CDC123: variants seen among roughly 807,000 people sequenced by gnomAD.
CDC123 encodes cell division cycle 123, also known as translation initiation factor eIF2 assembly protein.
Under a neutral mutation model 54.4 loss-of-function variants are expected in CDC123, and 37 were observed. That is an observed-to-expected ratio of 0.68 (90% confidence interval 0.52 to 0.89). The LOEUF (loss-of-function observed/expected upper bound fraction) is 0.89. CDC123 is among the 40% of genes least tolerant of loss of function. CDC123 has a pLI of 0.00. For synonymous variants in CDC123, 144 were observed against 136.8 expected, an observed-to-expected ratio of 1.05 and a Z score of -0.37; for missense variants, 361 against 412.1, an observed-to-expected ratio of 0.88 and a Z score of 1.07.
intron 2 of CDC123, among the ~76,000 whole-genome samples, chr10:12,201,980 A>T (rs982374165): frequency 9.8e-5 from 15 of 152,320 alleles, no homozygotes; most frequent in African/African-American, 3.4e-4. Context: ...AACTAGATGA[A>T]TGAAGATGGT....
chr10:12,207,299 T>C (rs1835536099), intron 2 of CDC123, among the ~76,000 whole-genome samples: 1 of 152,220 alleles, frequency 6.6e-6, no homozygotes, highest in African/African-American at 2.4e-5. Flanking sequence ...CTATCATGTT[T>C]TCAGTGTCTA....
chr10:12,230,904 C>G, intron 6 of CDC123, 44 bp from the exon 7 acceptor site: 1 of 1,574,964 alleles, frequency 6.3e-7, no homozygotes, highest in Non-Finnish European at 8.7e-7. Context: ...TAAACTGGCA[C>G]CAGTAACAAA....
chr10:12,239,965 G>A (rs530376219), intron 10 of CDC123, among the ~76,000 whole-genome samples: 39 of 145,356 alleles, frequency 2.7e-4, no homozygotes, highest in Non-Finnish European at 4.0e-4. Context: ...CCGAGATCGC[G>A]CCACTGCACT....
At chr10:12,201,679 T>C (rs959150838) in intron 2 of CDC123, among the ~76,000 whole-genome samples, 4 of 152,104 alleles carry the variant, frequency 2.6e-5, no homozygotes, top group Non-Finnish European at 5.9e-5. Context: ...GTGGGAGTCA[T>C]GTTAAAGATG....
rs143570523 is a variant in CDC123, at chr10:12,243,910, G to C, written c.718-2239G>C. On this transcript the variant is annotated intron_variant, in intron 10 of 12. Coordinates refer to ENST00000281141, the MANE Select transcript of CDC123 (RefSeq NM_006023.3). ...AAAATAAAGTTGACATCATTACCAA[G>C]AAGTTGTTTGACGGCTGATACTGTT... Among the ~76,000 whole-genome samples, 51 of 152,258 alleles carry C rather than the reference G, an allele frequency of 3.3e-4. No individual in the cohort carries two copies. In the East Asian group the frequency reaches 9.4e-3, roughly 28 times the overall value.
intron 2 of CDC123, among the ~76,000 whole-genome samples, chr10:12,200,570 C>T (rs1835426912): frequency 6.6e-6 from 1 of 152,070 alleles, no homozygotes; most frequent in Non-Finnish European, 1.5e-5. Context: ...TGTTGAAGAG[C>T]TCCTATGATG....
chr10:12,198,601 T>A (rs1035331425), intron 1 of CDC123, 104 bp from the exon 2 acceptor site: 7 of 710,706 alleles, frequency 9.8e-6, no homozygotes, highest in Non-Finnish European at 1.8e-5. Context: ...TTCTACTTTA[T>A]ATTAAAAGAA....
intron 4 of CDC123, among the ~76,000 whole-genome samples, chr10:12,212,859 A>G (rs1251870839): frequency 6.6e-6 from 1 of 152,230 alleles, no homozygotes; most frequent in Non-Finnish European, 1.5e-5. Flanking sequence ...ATATGCAAAT[A>G]TTCTGAAATC....
chr10:12,215,977 C>T (rs1835657127), intron 5 of CDC123, 142 bp downstream of exon 5: 1 of 534,524 alleles, frequency 1.9e-6, no homozygotes. Context: ...TTTCCCTCTA[C>T]TGTTTTACTT....
At chr10:12,212,510 A>G (rs1376095149) in intron 4 of CDC123, among the ~76,000 whole-genome samples, 1 of 152,220 alleles carries the variant, frequency 6.6e-6, no homozygotes, top group East Asian at 1.9e-4. Context: ...CCAAATTCCA[A>G]AACTTTTTAA....
intron 12 of CDC123, chr10:12,250,072 T>A: frequency 2.1e-6 from 1 of 477,834 alleles, no homozygotes; most frequent in African/African-American, 2.0e-5. Flanking sequence ...TATATTTTTG[T>A]GTGGATTTCT....
intron 4 of CDC123, among the ~76,000 whole-genome samples, chr10:12,211,219 G>A (rs1022553607): frequency 1.4e-5 from 2 of 142,480 alleles, no homozygotes; most frequent in African/African-American, 5.2e-5. Context: ...TCTAAAAATA[G>A]GTGAATGAAA....
intron 10 of CDC123, among the ~76,000 whole-genome samples, chr10:12,238,785 C>T (rs949049158): frequency 1.3e-5 from 2 of 151,726 alleles, no homozygotes; most frequent in African/African-American, 2.4e-5. Context: ...TTTGGGAGGC[C>T]GAGGTGGGAG....
chr10:12,210,019 A>G lies in CDC123; in HGVS notation c.199A>G (p.Ile67Val). ...AGACAGTGATGATGAAGCAGAAGAA[A>G]TACAGGTTGGTACCAAATAAAATAA... ...QPDSDDEAEE[I>V]QWSDDENTAT... Residue 67 changes from isoleucine to valine, a missense_variant, in exon 3 of 13, where the codon ATA (isoleucine) becomes GTA (valine). Transcript: ENST00000281141. 1 of 1,614,140 alleles carries G rather than the reference A, an allele frequency of 6.2e-7. No individual in the cohort carries two copies. Among genetic ancestry groups the G allele is most frequent in the South Asian group, 1.1e-5 (1 of 91,080 alleles).
Position 12,215,833 on chromosome 10 carries a change from A to G in CDC123, c.331A>G (p.Arg111Gly). 1 of 1,594,450 alleles carries G rather than the reference A, an allele frequency of 6.3e-7. No homozygotes were observed. The highest frequency in any genetic ancestry group is 8.6e-7 in the Non-Finnish European group (1 of 1,166,040). The part of the protein sequence containing the change: ...VFPKLNWSAP[R>G]DAYWIAMNSS... ...TCCTAAGCTTAATTGGAGTGCCCCA[A>G]GGGTAGGAACACATAAGTAATTCTC... Residue 111 changes from arginine (R) to glycine (G), a missense_variant and splice_region_variant, in exon 5 of 13, where the codon AGG (arginine) becomes GGG (glycine). Coordinates refer to ENST00000281141, the MANE Select transcript of CDC123 (RefSeq NM_006023.3).
intron 4 of CDC123, among the ~76,000 whole-genome samples, chr10:12,212,125 A>T (rs1835610981): frequency 6.6e-6 from 1 of 152,202 alleles, no homozygotes; most frequent in Non-Finnish European, 1.5e-5. Context: ...TGTATAGATG[A>T]TAGATACAGC....
Position 12,246,133 on chromosome 10 carries a change from T to C in CDC123, c.718-16T>C. The stretch of plus-strand genomic sequence containing the variant: ...AGAAGATGTTTGTTTTTGTTTTTTC[T>C]CTCTCTGTGCTACAGGGGAAGGTGT... On this transcript the variant is annotated splice_polypyrimidine_tract_variant and intron_variant, in intron 10 of 12. Coordinates refer to ENST00000281141, the MANE Select transcript of CDC123 (RefSeq NM_006023.3). 2 of 1,605,698 alleles carry C rather than the reference T, an allele frequency of 1.2e-6. No individual in the cohort carries two copies. Among genetic ancestry groups the C allele is most frequent in the Non-Finnish European group, 1.7e-6 (2 of 1,176,430 alleles).
At chr10:12,224,669 A>T (rs962691175) in intron 6 of CDC123, among the ~76,000 whole-genome samples, 2 of 152,250 alleles carry the variant, frequency 1.3e-5, no homozygotes, top group African/African-American at 4.8e-5. Flanking sequence ...ACTGTAGTTG[A>T]ATACCACGTT....
At chr10:12,223,869 T>A (rs1266218037) in intron 6 of CDC123, among the ~76,000 whole-genome samples, 1 of 152,232 alleles carries the variant, frequency 6.6e-6, no homozygotes, top group Non-Finnish European at 1.5e-5. Context: ...TGTATTTTTA[T>A]TTTTTTATTT....
Sources: gnomAD v4.1 joint callset for allele counts (sites outside exome capture counted in the v4.1 genomes callset) on GRCh38, gnomAD v4.1.1 for gene constraint, MANE v1.5 for transcripts, NCBI Gene and HGNC (gene_info 2026-07-23, HGNC 2026-07-21) for gene names.